The following PFKFB3 variants were observed in gnomAD, a reference collection of about 807,000 sequenced individuals.
PFKFB3 encodes the protein 6-phosphofructo-2-kinase/fructose-2,6-biphosphatase 3.
Under a neutral mutation model 68.0 loss-of-function variants are expected in PFKFB3, and 33 were observed. The ratio of observed to expected loss-of-function variants is 0.49; its 90% CI spans 0.37 to 0.65. The LOEUF is 0.65. Among genes scored for constraint, PFKFB3 ranks in the 30% least tolerant of loss-of-function variants. The probability of loss-of-function intolerance (pLI) is 0.00; values close to 1 mark genes in which losing one functional copy is unlikely to be tolerated. For synonymous variants in PFKFB3, 315 were observed against 288.2 expected (o/e 1.09, Z -0.94); for missense variants, 586 against 712.2 (o/e 0.82, Z 2.02).
intron 1 of PFKFB3, 82 bp downstream of exon 1, chr10:6,203,418 C>A (rs939983192): frequency 9.6e-5 from 102 of 1,066,096 alleles, no homozygotes; most frequent in Admixed American, 2.3e-4. Flanking sequence ...TGTGCCGACG[C>A]CCCTCTGCGG....
chr10:6,231,233 T>G, intron 14 of PFKFB3: 2 of 1,413,606 alleles, frequency 1.4e-6, no homozygotes, highest in Non-Finnish European at 2.0e-6. Flanking sequence ...TTCCAACCTG[T>G]TTCTTCCTCT....
chr10:6,230,458 C>T (rs1482907541), intron 14 of PFKFB3, among the ~76,000 whole-genome samples: 1 of 152,174 alleles, frequency 6.6e-6, no homozygotes, highest in Non-Finnish European at 1.5e-5. Context: ...ATAATAACTT[C>T]ATAAAGTTGT....
chr10:6,322,590 G>A, the PFKFB3 span, among the ~76,000 whole-genome samples: 3 of 152,152 alleles, frequency 2.0e-5, no homozygotes, highest in Non-Finnish European at 2.9e-5. Flanking sequence ...TCCCTCATTA[G>A]CCACACTGGC....
intron 1 of PFKFB3, among the ~76,000 whole-genome samples, chr10:6,213,065 A>C (rs1844334030): frequency 6.6e-6 from 1 of 152,018 alleles, no homozygotes; most frequent in Admixed American, 6.6e-5. Context: ...GTTCCCTGCT[A>C]GGTTTAGCGC....
At chr10:6,308,100 G>A in the PFKFB3 span, among the ~76,000 whole-genome samples, 5 of 152,148 alleles carry the variant, frequency 3.3e-5, no homozygotes, top group Non-Finnish European at 7.3e-5. Flanking sequence ...AGCCATTTTT[G>A]CGGTATTCTG....
At chr10:6,223,897 G>A (rs907998472) in intron 11 of PFKFB3, 61 bp from the exon 12 acceptor site, 243 of 1,478,202 alleles carry the variant, frequency 1.6e-4, no homozygotes, top group Non-Finnish European at 2.2e-4. Flanking sequence ...GATTACAGGC[G>A]TGAGCCACCA....
chr10:6,304,235 C>T, the PFKFB3 span, among the ~76,000 whole-genome samples: 9 of 152,090 alleles, frequency 5.9e-5, no homozygotes. Flanking sequence ...TTTATTTTCT[C>T]TGGAAAGCAC....
chr10:6,245,836 G>A lies in PFKFB3; in HGVS notation c.1516-8342G>A, dbSNP rs183479645. 3 of 152,364 alleles carry A rather than the reference G, an allele frequency of 2.0e-5. No homozygotes were observed. In the East Asian group the frequency reaches 5.8e-4, roughly 29 times the overall value. The allele number at this position is 152,364 out of a possible 1,614,324, so 9.4% of individuals were successfully genotyped here. A position where few individuals can be genotyped will look rare whatever the true frequency, so the allele number is the denominator to read the frequency against. ...ACTACTGCACTCAGACCAGCCTGATGTGGCTCTCTTTTCAGTTAAAACTAC... is the reference window on the plus strand; with the variant it reads ...ACTACTGCACTCAGACCAGCCTGATATGGCTCTCTTTTCAGTTAAAACTAC... On this transcript the variant is annotated intron_variant, in intron 14 of 14. Transcript: ENST00000640683.
chr10:6,200,756 G>A (rs1201343770), upstream of PFKFB3, among the ~76,000 whole-genome samples: 1 of 150,502 alleles, frequency 6.6e-6, no homozygotes, highest in Non-Finnish European at 1.5e-5. Context: ...AATGGGGGAA[G>A]AACATAGTCT....
At chr10:6,322,341 T>C in the PFKFB3 span, among the ~76,000 whole-genome samples, 16 of 152,150 alleles carry the variant, frequency 1.1e-4, no homozygotes, top group Admixed American at 3.9e-4. Flanking sequence ...CTCAAATCCA[T>C]CTACCACTTT....
chr10:6,202,922 G>A (rs74379289), upstream of PFKFB3: 66,641 of 1,192,558 alleles, frequency 0.056, 2,064 homozygotes, highest in Non-Finnish European at 0.061. Flanking sequence ...GGCGGTGCGC[G>A]GGGCATCCCA....
At chr10:6,201,700 G>C (rs1310890174), upstream of PFKFB3, among the ~76,000 whole-genome samples, 2 of 152,226 alleles carry the variant, frequency 1.3e-5, no homozygotes, top group Non-Finnish European at 2.9e-5. This position sits in a 1 kb window ranked among gnomAD's most constrained non-coding sequence, Gnocchi z 4.1. Context: ...GTAGGTTTCA[G>C]CGAGCGCCGC....
chr10:6,147,839 C>T (rs1190058499), intron 1 of PFKFB3, among the ~76,000 whole-genome samples: 1 of 151,178 alleles, frequency 6.6e-6, no homozygotes, highest in Non-Finnish European at 1.5e-5. Context: ...TACAGGGGAG[C>T]CTGACGGGGT....
chr10:6,267,201 C>G, the PFKFB3 span, among the ~76,000 whole-genome samples: 3 of 152,358 alleles, frequency 2.0e-5, no homozygotes, highest in East Asian at 5.8e-4. Flanking sequence ...TATTTCCCAG[C>G]TTGTATAGGC....
chr10:6,195,773 G>A (rs949049913), intron 1 of PFKFB3, among the ~76,000 whole-genome samples: 3 of 152,230 alleles, frequency 2.0e-5, no homozygotes, highest in Non-Finnish European at 2.9e-5. Context: ...GGGAGAATTC[G>A]GGCTACTGTC....
the PFKFB3 span, among the ~76,000 whole-genome samples, chr10:6,309,975 A>C: frequency 2.0e-5 from 3 of 152,216 alleles, no homozygotes; most frequent in African/African-American, 7.2e-5. Flanking sequence ...ATGTAAGCTA[A>C]TATATTCTGA....
At chr10:6,278,253 T>C in the PFKFB3 span, among the ~76,000 whole-genome samples, 12 of 151,332 alleles carry the variant, frequency 7.9e-5, no homozygotes, top group South Asian at 6.2e-4. Flanking sequence ...TATTCTGTGG[T>C]TTGGGTCAGC....
At chr10:6,224,944 G>A (rs76947904) in intron 13 of PFKFB3, among the ~76,000 whole-genome samples, 7 of 150,902 alleles carry the variant, frequency 4.6e-5, no homozygotes, top group Non-Finnish European at 7.4e-5. Context: ...CCAAGAACAC[G>A]GTGTTGAGAG....
chr10:6,237,298 C>T (rs1370850593), downstream of PFKFB3, among the ~76,000 whole-genome samples: 1 of 152,254 alleles, frequency 6.6e-6, no homozygotes, highest in African/African-American at 2.4e-5. Flanking sequence ...GCTCCCTGTG[C>T]CCCGTCATCG....
Sources: gnomAD v4.1 joint callset for allele counts (sites outside exome capture counted in the v4.1 genomes callset) on GRCh38, gnomAD v4.1.1 for gene constraint, Gnocchi (gnomAD v3.1) non-coding constraint, MANE v1.5 for transcripts, NCBI Gene and HGNC (gene_info 2026-07-23, HGNC 2026-07-21) for gene names.